Variants in EPHA3 observed in about 807,000 individuals in gnomAD.
The protein encoded by EPHA3 is ephrin type-A receptor 3.
A neutral mutation model predicts 107.1 loss-of-function variants in EPHA3; 42 were observed. The observed-to-expected ratio is 0.39, with a 90% confidence interval of 0.31 to 0.51. EPHA3 has a LOEUF of 0.51. EPHA3 is among the 20% of genes least tolerant of loss of function. The probability of loss-of-function intolerance (pLI) is 0.78; values close to 1 mark genes in which losing one functional copy is unlikely to be tolerated. For synonymous variants in EPHA3, 461 were observed against 424.8 expected (o/e 1.09, Z -1.05); for missense variants, 1,183 against 1,211.2 (o/e 0.98, Z 0.35).
intron 11 of EPHA3, among the ~76,000 whole-genome samples, chr3:89,427,605 G>T (rs1709485971): frequency 6.6e-6 from 1 of 151,900 alleles, no homozygotes; most frequent in Non-Finnish European, 1.5e-5. Context: ...AATAGTATAA[G>T]AATAATAAAG....
At position 89,300,171 on chromosome 3, in the gene EPHA3, T is replaced by C. The variant is rs1269119351; in HGVS notation, c.815-40745T>C. On this transcript the variant is annotated intron_variant, in intron 3 of 16. Coordinates refer to ENST00000336596, the MANE Select transcript of EPHA3 (RefSeq NM_005233.6). ...TCTAATTGACAAGAAACTACTAAAG[T>C]CTCAAATCTCATAATGCATTTTCTT... Among the ~76,000 whole-genome samples, 3 of 151,918 alleles carry C rather than the reference T, an allele frequency of 2.0e-5. No individual in the cohort carries two copies. In the South Asian group the frequency reaches 6.2e-4, roughly 31 times the overall value.
intron 3 of EPHA3, among the ~76,000 whole-genome samples, chr3:89,268,580 T>C (rs1705591032): frequency 6.6e-6 from 1 of 152,048 alleles, no homozygotes; most frequent in Non-Finnish European, 1.5e-5. Context: ...ATATAATTAA[T>C]GTGTTTGAAA....
At chr3:89,176,251 G>A (rs1302668898) in intron 2 of EPHA3, among the ~76,000 whole-genome samples, 2 of 151,974 alleles carry the variant, frequency 1.3e-5, no homozygotes, top group Non-Finnish European at 2.9e-5. Context: ...GGAGGCGGAG[G>A]CAGGAGGATC....
At chr3:89,410,487 C>T (rs186042670) in intron 9 of EPHA3, among the ~76,000 whole-genome samples, 33 of 152,006 alleles carry the variant, frequency 2.2e-4, no homozygotes, top group African/African-American at 7.7e-4. Flanking sequence ...ACGTTAATTT[C>T]CTTAACTTCA....
intron 1 of EPHA3, among the ~76,000 whole-genome samples, chr3:89,110,067 G>C (rs1707065071): frequency 6.6e-6 from 1 of 151,916 alleles, no homozygotes; most frequent in Non-Finnish European, 1.5e-5. Context: ...AATTTAAATA[G>C]AAAGCAATTC....
rs1709942389 is a variant in EPHA3, at chr3:89,449,355, G to C, written c.2477G>C (p.Trp826Ser). 6.3e-7 allele frequency: 1 copy of C among 1,591,972 alleles called. No individual in the cohort carries two copies. Among genetic ancestry groups the C allele is most frequent in the African/African-American group, 1.3e-5 (1 of 74,592 alleles). ...EVMSYGERPY[W>S]EMSNQDVIKA... is the part of the protein sequence containing the mutation. ...ATGTCTTATGGAGAGAGACCATACT[G>C]GGAGATGTCCAATCAGGATGTAAGT... The change falls in exon 14 of 17, where the codon TGG (tryptophan) becomes TCG (serine). Residue 826 changes from tryptophan (W) to serine (S), a missense_variant. By Grantham distance (177) the Trp-to-Ser change is radical (BLOSUM62 -3). Coordinates refer to ENST00000336596, the MANE Select transcript of EPHA3 (RefSeq NM_005233.6).
intron 3 of EPHA3, among the ~76,000 whole-genome samples, chr3:89,319,237 G>A (rs926785062): frequency 8.6e-5 from 13 of 151,920 alleles, no homozygotes; most frequent in African/African-American, 3.1e-4. Flanking sequence ...AGAGAGGAGG[G>A]AGAAGAGAAG....
At chr3:89,213,636 T>G (rs970098873) in intron 3 of EPHA3, among the ~76,000 whole-genome samples, 12 of 152,020 alleles carry the variant, frequency 7.9e-5, no homozygotes, top group Non-Finnish European at 1.6e-4. Flanking sequence ...TTTTTTCTTT[T>G]ATGAATTTAT....
intron 2 of EPHA3, among the ~76,000 whole-genome samples, chr3:89,174,207 C>T (rs1008200960): frequency 2.1e-4 from 32 of 151,928 alleles, no homozygotes; most frequent in Non-Finnish European, 4.4e-4. Context: ...CATTAAATAT[C>T]AAGAGGTCTT....
chr3:89,235,732 A>C (rs539776482), intron 3 of EPHA3, among the ~76,000 whole-genome samples: 8 of 152,060 alleles, frequency 5.3e-5, no homozygotes, highest in African/African-American at 1.9e-4. Flanking sequence ...CTTTTAGGAA[A>C]CTTGCTGAAT....
At chr3:89,343,933 T>C (rs1393451074) in intron 5 of EPHA3, among the ~76,000 whole-genome samples, 1 of 152,200 alleles carries the variant, frequency 6.6e-6, no homozygotes, top group Non-Finnish European at 1.5e-5. Context: ...TATTTAACTG[T>C]CTTCTATGGG....
chr3:89,136,150 C>A (rs1233133060), intron 2 of EPHA3, among the ~76,000 whole-genome samples: 2 of 151,892 alleles, frequency 1.3e-5, no homozygotes, highest in Non-Finnish European at 2.9e-5. Context: ...AATTCTACTT[C>A]ATAGGCTGAA....
chr3:89,275,206 G>A (rs540739057), intron 3 of EPHA3, among the ~76,000 whole-genome samples: 4 of 152,106 alleles, frequency 2.6e-5, no homozygotes, highest in Admixed American at 2.0e-4. Context: ...CTATGAGACA[G>A]TCCTTGCGGG....
At chr3:89,417,230 G>T (rs896996148) in intron 10 of EPHA3, among the ~76,000 whole-genome samples, 2 of 151,430 alleles carry the variant, frequency 1.3e-5, no homozygotes, top group African/African-American at 4.8e-5. Context: ...GTACAGAGAG[G>T]TTAAGTTACT....
intron 3 of EPHA3, among the ~76,000 whole-genome samples, chr3:89,274,526 GT>G (rs1705758495): frequency 6.6e-6 from 1 of 151,886 alleles, no homozygotes. Context: ...TTTCTAATGA[GT>G]AAGGAATAAT....
chr3:89,319,295 T>A (rs1011644652), intron 3 of EPHA3, among the ~76,000 whole-genome samples: 7 of 151,984 alleles, frequency 4.6e-5, no homozygotes, highest in Admixed American at 4.6e-4. Context: ...CTGAGTATTA[T>A]CAGTGCACAC....
chr3:89,437,584 T>C (rs1365850062), intron 13 of EPHA3, among the ~76,000 whole-genome samples: 1 of 152,220 alleles, frequency 6.6e-6, no homozygotes, highest in Non-Finnish European at 1.5e-5. Flanking sequence ...TGCCACTGAA[T>C]GATTTTTCAA....
At chr3:89,192,580 T>G (rs996353383) in intron 2 of EPHA3, among the ~76,000 whole-genome samples, 1 of 152,010 alleles carries the variant, frequency 6.6e-6, no homozygotes, top group Non-Finnish European at 1.5e-5. Flanking sequence ...ATAACCAGAA[T>G]ACACAATTGA....
At chr3:89,470,088 C>T (rs113141104) in intron 15 of EPHA3, among the ~76,000 whole-genome samples, 33,881 of 151,158 alleles carry the variant, frequency 0.22, 4,068 homozygotes, top group Non-Finnish European at 0.25. Flanking sequence ...AAAGTTTTAA[C>T]ATTAATACTA....
Sources: allele counts gnomAD v4.1 joint callset (sites outside exome capture counted in the v4.1 genomes callset), GRCh38; gene constraint gnomAD v4.1.1; transcripts MANE v1.5; gene names NCBI Gene and HGNC (gene_info 2026-07-23, HGNC 2026-07-21).